The following NCOR2 variants were observed in gnomAD, a reference collection of about 807,000 sequenced individuals.
NCOR2 encodes CTG repeat protein 26.
A neutral mutation model predicts 262.9 loss-of-function variants in NCOR2; 81 were observed. That is an observed-to-expected ratio of 0.31 (90% confidence interval 0.26 to 0.37). The LOEUF is 0.37. NCOR2 is among the 10% of genes least tolerant of loss of function. NCOR2 has a pLI of 1.00. For synonymous variants in NCOR2, 1,659 were observed against 1,559.3 expected, an observed-to-expected ratio of 1.06 and a Z score of -1.51; for missense variants, 3,385 against 3,621.4, an observed-to-expected ratio of 0.93 and a Z score of 1.68.
chr12:124,464,873 C>T (rs1284656049), intron 5 of NCOR2, among the ~76,000 whole-genome samples: 1 of 152,202 alleles, frequency 6.6e-6, no homozygotes, highest in Admixed American at 6.5e-5. Context: ...TGTGTGGCCC[C>T]TTGGCTCTCC....
chr12:124,389,357 C>G lies in NCOR2; in HGVS notation c.1877-3470G>C, dbSNP rs1479989848. On this transcript the variant is annotated intron_variant, in intron 16 of 46. Coordinates refer to ENST00000405201, the Ensembl canonical transcript of NCOR2. The surrounding 1 kb of genome is among the most constrained non-coding windows in gnomAD (Gnocchi z 4.4). ...CCTCCAGACGGAGGCTCGCGGCGGG[C>G]GGGCAGGCGGGCGGGGGAGCGTGGC... 1.3e-5 allele frequency among the ~76,000 whole-genome samples: 2 copies of G among 152,012 alleles called. No homozygotes were observed. Among genetic ancestry groups the G allele is most frequent in the Non-Finnish European group, 2.9e-5 (2 of 67,950 alleles).
chr12:124,424,263 G>A (rs1240292163), intron 11 of NCOR2, among the ~76,000 whole-genome samples: 3 of 152,106 alleles, frequency 2.0e-5, no homozygotes, highest in Non-Finnish European at 2.9e-5. Flanking sequence ...CAGGGGGAAC[G>A]TGAATCTCAA....
At chr12:124,365,446 G>A (rs2038953835) in intron 20 of NCOR2, among the ~76,000 whole-genome samples, 1 of 152,218 alleles carries the variant, frequency 6.6e-6, no homozygotes. Context: ...AGATGAGCAG[G>A]GCCGATGCCC....
At chr12:124,369,541 G>A (rs1050143890) in intron 20 of NCOR2, among the ~76,000 whole-genome samples, 5 of 152,018 alleles carry the variant, frequency 3.3e-5, no homozygotes, top group African/African-American at 4.8e-5. Flanking sequence ...CATCTCGTCC[G>A]CGTCCTCCAG....
At chr12:124,486,851 T>C (rs1243730) in intron 1 of NCOR2, among the ~76,000 whole-genome samples, 150,978 of 152,304 alleles carry the variant, frequency 0.99, 74,848 homozygotes, top group East Asian at 1. Context: ...CAAATGAGAC[T>C]GCCAAGCCTG....
rs112746964 is a variant in NCOR2 at position 124,531,199 on chromosome 12, A to G, written c.-118+4366T>C. Among the ~76,000 whole-genome samples, 4,612 of 152,306 alleles carry G rather than the reference A, an allele frequency of 0.03. 212 individuals carry two copies. Among genetic ancestry groups the G allele is most frequent in the African/African-American group, 0.1 (4,318 of 41,548 alleles). On this transcript the variant is annotated intron_variant, in intron 1 of 46. Coordinates refer to the NCOR2 transcript ENST00000404621. This position sits in a 1 kb window ranked among gnomAD's most constrained non-coding sequence, Gnocchi z 4.5. ...ACCAACTCATGCTGAACAACAGTCC[A>G]GCCAGAGCCCACCCGTTTATGAAAG...
intron 1 of NCOR2, among the ~76,000 whole-genome samples, chr12:124,564,735 C>T (rs1236493888): frequency 6.6e-6 from 1 of 152,124 alleles, no homozygotes; most frequent in African/African-American, 2.4e-5. Context: ...ACTTCTCCAC[C>T]CACACTCTCA....
At chr12:124,369,706 C>A (rs115411544) in intron 20 of NCOR2, among the ~76,000 whole-genome samples, 2 of 152,154 alleles carry the variant, frequency 1.3e-5, no homozygotes, top group Admixed American at 6.5e-5. Context: ...TCGCACAGGG[C>A]GGGACAAACC....
In NCOR2 at chr12:124,402,385, G is replaced by C; in HGVS notation, c.1640+19C>G. 6.2e-7 allele frequency: 1 copy of C among 1,613,714 alleles called. No individual in the cohort carries two copies. Among genetic ancestry groups the C allele is most frequent in the Non-Finnish European group, 8.5e-7 (1 of 1,179,718 alleles). ...TGGGTCAGCGGCCGGGCCCTGCAGG[G>C]GACAGCAGGCTGCCTTACTTGAGGA... On this transcript the variant is annotated intron_variant, in intron 14 of 46. Transcript: ENST00000405201.
chr12:124,398,045 C>A, intron 16 of NCOR2, 74 bp downstream of exon 18: 2 of 1,567,448 alleles, frequency 1.3e-6, no homozygotes, highest in South Asian at 2.2e-5. Context: ...TGTGTCAACA[C>A]CCTCCCCAGC....
chr12:124,397,237 G>A (rs752766867), intron 16 of NCOR2, among the ~76,000 whole-genome samples: 1 of 152,208 alleles, frequency 6.6e-6, no homozygotes. Context: ...CCCAGGCCAG[G>A]CACGGCCGAG....
At chr12:124,404,456 C>T (rs2042160710) in intron 13 of NCOR2, among the ~76,000 whole-genome samples, 1 of 152,244 alleles carries the variant, frequency 6.6e-6, no homozygotes, top group South Asian at 2.1e-4. Context: ...GAGCCTCCTT[C>T]CCAGAGCATC....
intron 16 of NCOR2, among the ~76,000 whole-genome samples, chr12:124,396,093 A>G (rs1372067112): frequency 6.6e-6 from 1 of 152,208 alleles, no homozygotes; most frequent in East Asian, 1.9e-4. Context: ...CACAAACTGT[A>G]GGATTCCATT....
intron 1 of NCOR2, among the ~76,000 whole-genome samples, chr12:124,551,542 C>T (rs977052777): frequency 1.1e-4 from 16 of 152,208 alleles, no homozygotes; most frequent in Non-Finnish European, 1.8e-4. Flanking sequence ...CTTACAGCCC[C>T]GAGTCTGGTG....
At chr12:124,388,795 G>A (rs548013221) in intron 16 of NCOR2, 2 of 1,301,514 alleles carry the variant, frequency 1.5e-6, no homozygotes, top group African/African-American at 1.5e-5. Context: ...GCCGCGGTCG[G>A]CTCTGCGAGG....
intron 1 of NCOR2, among the ~76,000 whole-genome samples, chr12:124,543,964 C>T (rs888032598): frequency 1.3e-5 from 2 of 152,234 alleles, no homozygotes; most frequent in Non-Finnish European, 2.9e-5. Context: ...TCTTAACAAC[C>T]GCCCCACATC....
At chr12:124,390,662 G>A (rs1333501660) in intron 16 of NCOR2, among the ~76,000 whole-genome samples, 1 of 152,192 alleles carries the variant, frequency 6.6e-6, no homozygotes, top group Non-Finnish European at 1.5e-5. Context: ...GGGGCTGTGC[G>A]TTTAGCTCTG....
intron 37 of NCOR2, among the ~76,000 whole-genome samples, chr12:124,338,887 A>C (rs2036129105): frequency 1.4e-5 from 2 of 142,736 alleles, no homozygotes; most frequent in South Asian, 2.4e-4. Context: ...TCCATCATCC[A>C]CCTAACCCTA....
chr12:124,385,963 G>T (rs530953372), intron 16 of NCOR2, 76 bp from the exon 19 acceptor site: 7 of 1,530,528 alleles, frequency 4.6e-6, no homozygotes, highest in Non-Finnish European at 5.3e-6. Flanking sequence ...TGGCCTGGGC[G>T]GCAAACGGGC....
Sources: allele counts gnomAD v4.1 joint callset (sites outside exome capture counted in the v4.1 genomes callset), GRCh38; gene constraint gnomAD v4.1.1; non-coding constraint Gnocchi (gnomAD v3.1); transcripts MANE v1.5; gene names NCBI Gene and HGNC (gene_info 2026-07-23, HGNC 2026-07-21).